SELP: variants seen among roughly 807,000 people sequenced by gnomAD.
The protein encoded by SELP is selectin P.
SELP carries 92 observed loss-of-function variants against 104.1 expected under a neutral mutation model. That is an observed-to-expected ratio of 0.88 (90% CI 0.75 to 1.05). The LOEUF is 1.05. Among genes scored for constraint, SELP ranks in the 50% least tolerant of loss-of-function variants. SELP has a pLI of 0.00. For missense variants in SELP, 1,022 were observed against 1,017.3 expected (o/e 1.00, Z -0.06); for synonymous variants, 397 against 364.5 (o/e 1.09, Z -1.01).
At chr1:169,615,735 A>G (rs549564051) in intron 3 of SELP, among the ~76,000 whole-genome samples, 3 of 152,174 alleles carry the variant, frequency 2.0e-5, no homozygotes, top group African/African-American at 7.2e-5. Context: ...TATAAAGTAG[A>G]TCTGATTATA....
chr1:169,629,094 A>G (rs908436688), intron 1 of SELP, among the ~76,000 whole-genome samples: 2 of 152,202 alleles, frequency 1.3e-5, no homozygotes, highest in Non-Finnish European at 2.9e-5. Flanking sequence ...CCCTGGGACT[A>G]TGTGGGATAC....
chr1:169,597,004 T>G lies in SELP; in HGVS notation c.1878A>C (p.Pro626=), dbSNP rs3917805. The change falls in exon 11 of 17, where the codon CCA becomes CCC. Residue 626 remains proline (P), a synonymous_variant. Transcript: ENST00000263686. ...CTTSGRWSAT[P]PTCKGIASLP... ...ACATATTATTACCTTTGCAGGTTGG[T>G]GGAGTAGCTGACCATCTTCCAGAAG... 7 of 1,611,890 alleles carry G rather than the reference T, an allele frequency of 4.3e-6. No homozygotes were observed. Among genetic ancestry groups the G allele is most frequent in the East Asian group, 2.2e-5 (1 of 44,874 alleles).
chr1:169,590,166 T>G lies in SELP; in HGVS notation c.2475A>C (p.Ala825=), dbSNP rs1427328421. The G allele has an allele frequency of 6.2e-7, 1 of 1,613,166 alleles. No homozygotes were observed. The change falls in exon 16 of 17, where the codon GCA becomes GCC. Residue 825 remains alanine (A), a synonymous_variant. Transcript: ENST00000263686. ...LGTYGVFTNA[A]FDPSP ...TCTTACCTTAAGGACTCGGGTCAAA[T>G]GCAGCGTTTGTAAAAACTCCATATG...
chr1:169,609,674 G>C lies in SELP; in HGVS notation c.1163C>G (p.Pro388Arg), dbSNP rs1043650610. The C allele has an allele frequency of 6.2e-7, 1 of 1,611,506 alleles. No homozygotes were observed. Among genetic ancestry groups the C allele is most frequent in the Non-Finnish European group, 8.5e-7 (1 of 1,178,808 alleles). ...GCTTCCGTGGACAGGACTCTCCAGC[G>C]GCTCACACGAAATAGCTAAGTGGAA... ...LPTCEAISCEPLESPVHGSMD... is the reference protein window; with the variant it reads ...LPTCEAISCERLESPVHGSMD... The change falls in exon 8 of 17, where the codon CCG becomes CGG. Residue 388 changes from proline (P) to arginine (R), a missense_variant. Physicochemically the swap from Pro to Arg is moderately radical, Grantham distance 103. Transcript: ENST00000263686.
In SELP at chr1:169,612,409, C is replaced by T; in HGVS notation, c.776-7G>A. Reference sequence around the variant, plus strand: ...AGGGGTGGGCACTGGGCAGCTAAAACCAACCACAGAATAATAGTGTGAGTC... The same window carrying T: ...AGGGGTGGGCACTGGGCAGCTAAAATCAACCACAGAATAATAGTGTGAGTC... On this transcript the variant is annotated splice_region_variant and splice_polypyrimidine_tract_variant and intron_variant, in intron 5 of 16. Transcript: ENST00000263686. The T allele has an allele frequency of 1.2e-6, 2 of 1,613,848 alleles. No homozygotes were observed. The highest frequency in any genetic ancestry group is 1.7e-6 in the Non-Finnish European group (2 of 1,179,814).
chr1:169,594,139 T>C (rs1040746258), intron 13 of SELP, among the ~76,000 whole-genome samples: 2 of 152,172 alleles, frequency 1.3e-5, no homozygotes, highest in African/African-American at 2.4e-5. Context: ...AGAAATTAAA[T>C]TGTAGACATA....
At chr1:169,620,551 G>A (rs1324059579) in intron 1 of SELP, among the ~76,000 whole-genome samples, 1 of 152,054 alleles carries the variant, frequency 6.6e-6, no homozygotes, top group Non-Finnish European at 1.5e-5. Flanking sequence ...CATTTGCTAT[G>A]CATTTGCAGT....
chr1:169,597,017 C>T lies in SELP; in HGVS notation c.1865G>A (p.Trp622Ter), dbSNP rs1199987563. ...NNVECTTSGR[W>*]SATPPTCKGI... ...TTTGCAGGTTGGTGGAGTAGCTGACCATCTTCCAGAAGTTGTGCATTCCAC... is the reference window on the plus strand; with the variant it reads ...TTTGCAGGTTGGTGGAGTAGCTGACTATCTTCCAGAAGTTGTGCATTCCAC... The change falls in exon 11 of 17, where the codon TGG (tryptophan) becomes TAG (stop). Residue 622 changes from tryptophan (W) to a stop codon, truncating the protein, a stop_gained. Coordinates refer to ENST00000263686, the MANE Select transcript of SELP (RefSeq NM_003005.4). LOFTEE classifies it high-confidence loss of function. 6.2e-7 allele frequency: 1 copy of T among 1,612,278 alleles called. No homozygotes were observed.
intron 3 of SELP, among the ~76,000 whole-genome samples, chr1:169,615,286 A>G (rs1662748264): frequency 6.6e-6 from 1 of 152,142 alleles, no homozygotes; most frequent in South Asian, 2.1e-4. Context: ...TACATCTTAG[A>G]TGGCAAAACG....
intron 10 of SELP, among the ~76,000 whole-genome samples, chr1:169,599,534 T>C (rs1342783149): frequency 6.6e-6 from 1 of 152,224 alleles, no homozygotes; most frequent in Non-Finnish European, 1.5e-5. Flanking sequence ...ATCTGAATTC[T>C]TAAACATATT....
intron 13 of SELP, 59 bp from the exon 14 acceptor site, chr1:169,593,783 T>C (rs2101864635): frequency 6.3e-7 from 1 of 1,582,876 alleles, no homozygotes; most frequent in Non-Finnish European, 8.6e-7. Flanking sequence ...AAAAGACTAG[T>C]CTTTCTCTCC....
chr1:169,616,013 C>G (rs1042738514), intron 3 of SELP, among the ~76,000 whole-genome samples: 3 of 152,170 alleles, frequency 2.0e-5, no homozygotes, highest in African/African-American at 7.2e-5. Context: ...AAGGACAGAA[C>G]CGGCCCCTCT....
chr1:169,591,488 T>G, intron 14 of SELP, 32 bp from the exon 15 acceptor site: 2 of 1,405,180 alleles, frequency 1.4e-6, no homozygotes, highest in Non-Finnish European at 1.9e-6. Context: ...GAATGAATGA[T>G]TAAAAAAAAA....
chr1:169,603,753 A>G (rs958084783), intron 9 of SELP, among the ~76,000 whole-genome samples: 19 of 152,210 alleles, frequency 1.2e-4, no homozygotes, highest in Admixed American at 6.5e-4. Context: ...ATCTATCACT[A>G]GACAATAACC....
chr1:169,612,341 T>C lies in SELP; in HGVS notation c.837A>G (p.Ala279=), dbSNP rs768266433. ...AGCTAGACTGATGCTGGAATGCTTTTGCAGAATGAAGGCAGGTCATGTTTC... is the reference window on the plus strand; with the variant it reads ...AGCTAGACTGATGCTGGAATGCTTTCGCAGAATGAAGGCAGGTCATGTTTC... The part of the protein sequence containing the change: ...ERGNMTCLHS[A]KAFQHQSSCS... Residue 279 remains alanine (A), a synonymous_variant, in exon 6 of 17, where the codon GCA becomes GCG. Coordinates refer to ENST00000263686, the MANE Select transcript of SELP (RefSeq NM_003005.4). 23 of 1,614,058 alleles carry C rather than the reference T, an allele frequency of 1.4e-5. No homozygotes were observed. The highest frequency in any genetic ancestry group is 5.0e-5 in the Admixed American group (3 of 59,994).
intron 10 of SELP, 51 bp downstream of exon 10, chr1:169,602,975 T>A: frequency 6.9e-7 from 1 of 1,454,030 alleles, no homozygotes; most frequent in Non-Finnish European, 9.4e-7. Context: ...TGATTCTCCA[T>A]TCTCTGATGT....
At chr1:169,619,582 A>G (rs753706719) in intron 1 of SELP, among the ~76,000 whole-genome samples, 1 of 152,226 alleles carries the variant, frequency 6.6e-6, no homozygotes, top group Non-Finnish European at 1.5e-5. Flanking sequence ...AAGAAGTGGT[A>G]TGTCATACCC....
intron 3 of SELP, among the ~76,000 whole-genome samples, chr1:169,616,233 A>C (rs386467453): frequency 2.3e-3 from 347 of 152,358 alleles, no homozygotes; most frequent in Non-Finnish European, 3.7e-3. Context: ...ATGGATCTAA[A>C]GATATGTTGT....
At chr1:169,606,087 C>A (rs1662179949) in intron 9 of SELP, among the ~76,000 whole-genome samples, 1 of 152,200 alleles carries the variant, frequency 6.6e-6, no homozygotes, top group South Asian at 2.1e-4. Flanking sequence ...GAGGCCGAGT[C>A]AGGCAGATCA....
Sources: gnomAD v4.1 joint callset for allele counts (sites outside exome capture counted in the v4.1 genomes callset) on GRCh38, gnomAD v4.1.1 for gene constraint, MANE v1.5 for transcripts, NCBI Gene and HGNC (gene_info 2026-07-23, HGNC 2026-07-21) for gene names.